Variants in BRSK2 observed in about 807,000 individuals in gnomAD.
The protein encoded by BRSK2 is serine/threonine-protein kinase BRSK2.
BRSK2 carries 19 observed loss-of-function variants against 83.3 expected under a neutral mutation model. The observed-to-expected ratio is 0.23, with a 90% CI of 0.16 to 0.33. BRSK2 has a LOEUF of 0.33. Among genes scored for constraint, BRSK2 ranks in the 10% least tolerant of loss-of-function variants. BRSK2 has a pLI of 1.00. For missense variants in BRSK2, 798 were observed against 1,042.3 expected, an observed-to-expected ratio of 0.77 and a Z score of 3.23; for synonymous variants, 519 against 435.4, an observed-to-expected ratio of 1.19 and a Z score of -2.39.
chr11:1,450,528 C>CT, intron 13 of BRSK2, 59 bp from the exon 14 acceptor site: 9 of 837,378 alleles, frequency 1.1e-5, no homozygotes, highest in Middle Eastern at 2.3e-4. Context: ...CTGCGGGTGC[C>CT]CCCCCGGCCC....
At chr11:1,398,462 C>T (rs1052975302) in intron 1 of BRSK2, among the ~76,000 whole-genome samples, 38 of 152,240 alleles carry the variant, frequency 2.5e-4, no homozygotes, top group African/African-American at 7.9e-4. Context: ...CCATGTCAGG[C>T]GCCTTGGCCC....
rs569610432 is a variant in BRSK2 at position 1,459,325 on chromosome 11, G to A, written c.1987+86G>A. ...CCGCTGTGGCCGCCACCTGCCGCCCGGGTTGTCCCGGCCTCCCTGTGTAGA... is the reference window on the plus strand; with the variant it reads ...CCGCTGTGGCCGCCACCTGCCGCCCAGGTTGTCCCGGCCTCCCTGTGTAGA... On this transcript the variant is annotated intron_variant, in intron 19 of 19. Coordinates refer to ENST00000528841, the MANE Select transcript of BRSK2 (RefSeq NM_001256627.2). The A allele has an allele frequency of 8.6e-5, 128 of 1,486,970 alleles. 1 individual carries two copies. The highest frequency in any genetic ancestry group is 8.1e-4 in the South Asian group (71 of 87,530). The allele number at this position is 1,486,970 out of a possible 1,614,324, so 92.1% of individuals were successfully genotyped here.
intron 4 of BRSK2, 94 bp downstream of exon 4, chr11:1,441,022 C>T: frequency 2.7e-6 from 3 of 1,108,350 alleles, no homozygotes; most frequent in East Asian, 2.5e-5. Context: ...GACTACACCC[C>T]CTATGGTGCT....
chr11:1,439,544 G>A (rs570736039), intron 3 of BRSK2, among the ~76,000 whole-genome samples: 52 of 151,940 alleles, frequency 3.4e-4, no homozygotes, highest in African/African-American at 1.2e-3. Context: ...GGGCAGGGGA[G>A]TGCGGGGGGG....
chr11:1,404,602 C>T (rs939847675), intron 1 of BRSK2, among the ~76,000 whole-genome samples: 47 of 152,160 alleles, frequency 3.1e-4, no homozygotes, highest in African/African-American at 4.8e-5. Context: ...GGGGGCGCCC[C>T]GGAGGTGGAT....
At chr11:1,418,001 A>T (rs1398515347) in intron 1 of BRSK2, among the ~76,000 whole-genome samples, 25 of 134,140 alleles carry the variant, frequency 1.9e-4, no homozygotes, top group Non-Finnish European at 2.9e-4. Context: ...AGAGTGGGTC[A>T]CCTGTGTCCT....
chr11:1,434,676 T>C (rs1850055207), intron 1 of BRSK2, among the ~76,000 whole-genome samples: 1 of 140,954 alleles, frequency 7.1e-6, no homozygotes, highest in Non-Finnish European at 1.5e-5. Flanking sequence ...CTGGGCCGGC[T>C]CTGGGTGTCT....
At chr11:1,401,325 G>A (rs1053456284) in intron 1 of BRSK2, among the ~76,000 whole-genome samples, 1 of 152,236 alleles carries the variant, frequency 6.6e-6, no homozygotes, top group African/African-American at 2.4e-5. Context: ...TCTGTGAGTC[G>A]GGGCTCACGC....
chr11:1,433,580 C>A (rs1373234391), intron 1 of BRSK2, among the ~76,000 whole-genome samples: 3 of 152,270 alleles, frequency 2.0e-5, no homozygotes, highest in African/African-American at 4.8e-5. Flanking sequence ...AGCTCTTGCT[C>A]CTTTCCGTGT....
chr11:1,442,174 A>G (rs1851433609), intron 4 of BRSK2, among the ~76,000 whole-genome samples: 1 of 151,396 alleles, frequency 6.6e-6, no homozygotes, highest in African/African-American at 2.4e-5. Flanking sequence ...TTGCATCCCT[A>G]CGTGCCTGGG....
intron 2 of BRSK2, among the ~76,000 whole-genome samples, chr11:1,437,559 C>T (rs542877090): frequency 6.6e-4 from 100 of 152,324 alleles, no homozygotes; most frequent in Admixed American, 8.5e-4. Context: ...CTGGGGCCCT[C>T]CCCACTTGGG....
chr11:1,449,882 C>T (rs754003654), intron 13 of BRSK2, 46 bp downstream of exon 13: 1 of 1,466,492 alleles, frequency 6.8e-7, no homozygotes, highest in Non-Finnish European at 9.5e-7. Flanking sequence ...ACAGAGGCCC[C>T]AACCCTCCCA....
intron 5 of BRSK2, 143 bp downstream of exon 5, chr11:1,442,749 A>C (rs1851518221): frequency 1.4e-6 from 1 of 693,438 alleles, no homozygotes; most frequent in Admixed American, 2.3e-5. Flanking sequence ...TGAGCCTCCC[A>C]GTACCCCACA....
At chr11:1,449,060 C>A (rs899147436) in intron 12 of BRSK2, among the ~76,000 whole-genome samples, 2 of 152,216 alleles carry the variant, frequency 1.3e-5, no homozygotes, top group Non-Finnish European at 2.9e-5. Context: ...GGCACGTGGG[C>A]GCCGGCTCGT....
At position 1,390,845 on chromosome 11, in the gene BRSK2, C is replaced by G. The variant is rs558065866; in HGVS notation, c.91+470C>G. Among the ~76,000 whole-genome samples, 5 of 152,144 alleles carry G rather than the reference C, an allele frequency of 3.3e-5. No homozygotes were observed. The highest frequency in any genetic ancestry group is 5.9e-5 in the Non-Finnish European group (4 of 67,988). ...TCCGCGCGCCGGCCACCGGGGCCTC[C>G]GGGCAGGCCCGATCTCCCTCCGCGG... On this transcript the variant is annotated intron_variant, in intron 1 of 19. Coordinates refer to ENST00000528841, the MANE Select transcript of BRSK2 (RefSeq NM_001256627.2). The surrounding 1 kb of genome is among the most constrained non-coding windows in gnomAD (Gnocchi z 6.8).
Position 1,461,685 on chromosome 11 carries a change from G to T in BRSK2, c.*962G>T, listed in dbSNP as rs532589802. 6.6e-6 allele frequency: 1 copy of T among 152,282 alleles called. No individual in the cohort carries two copies. The highest frequency in any genetic ancestry group is 2.1e-4 in the South Asian group (1 of 4,824). The allele number at this position is 152,282 out of a possible 1,614,324, so 9.4% of individuals were successfully genotyped here. A position where few individuals can be genotyped will look rare whatever the true frequency, so the allele number is the denominator to read the frequency against. ...TGAGGACAGAGCTGGTGGGGCGCGG[G>T]GGGGCTGGCGAGCTACTGTAAACTT... On this transcript the variant is annotated 3_prime_UTR_variant, in exon 20 of 20. Transcript: ENST00000528841.
chr11:1,446,106 G>T (rs1370736829), intron 12 of BRSK2, among the ~76,000 whole-genome samples, 199 bp downstream of exon 12: 3,141 of 145,658 alleles, frequency 0.022, 107 homozygotes, highest in African/African-American at 0.067. Context: ...GGCTGGGCTG[G>T]GCTGGGAGCT....
At chr11:1,415,837 C>T (rs989199527) in intron 1 of BRSK2, among the ~76,000 whole-genome samples, 29 of 152,394 alleles carry the variant, frequency 1.9e-4, no homozygotes, top group East Asian at 3.9e-4. Context: ...GTTGCACGGG[C>T]TCCACCACGG....
chr11:1,421,693 C>G (rs1590413664), intron 1 of BRSK2, among the ~76,000 whole-genome samples: 1 of 152,102 alleles, frequency 6.6e-6, no homozygotes, highest in South Asian at 2.1e-4. Flanking sequence ...GCCCCAGCTC[C>G]TGTGTCGGGG....
Sources: allele counts gnomAD v4.1 joint callset (sites outside exome capture counted in the v4.1 genomes callset), GRCh38; gene constraint gnomAD v4.1.1; non-coding constraint Gnocchi (gnomAD v3.1); transcripts MANE v1.5; gene names NCBI Gene and HGNC (gene_info 2026-07-23, HGNC 2026-07-21).